MLYCD: variants seen among roughly 807,000 people sequenced by gnomAD.
MLYCD encodes the protein malonyl-CoA decarboxylase, also known as malonyl-CoA decarboxylase, mitochondrial.
MLYCD carries 27 observed loss-of-function variants against 35.8 expected under a neutral mutation model. The ratio of observed to expected loss-of-function variants is 0.75; its 90% CI spans 0.56 to 1.04. The LOEUF (loss-of-function observed/expected upper bound fraction) is 1.04, where lower values mean the gene tolerates loss of function less well. MLYCD is among the 50% of genes least tolerant of loss of function. The probability of loss-of-function intolerance (pLI) is 0.00; values close to 1 mark genes in which losing one functional copy is unlikely to be tolerated. For synonymous variants in MLYCD, 403 were observed against 302.4 expected (o/e 1.33, Z -3.45); for missense variants, 917 against 665.1 (o/e 1.38, Z -4.17).
intron 1 of MLYCD, among the ~76,000 whole-genome samples, chr16:83,900,928 G>A (rs148794030): frequency 7.9e-5 from 12 of 152,266 alleles, no homozygotes; most frequent in African/African-American, 2.9e-4. Context: ...CTAATCCAGG[G>A]TTATTTGCAC....
Position 83,914,841 on chromosome 16 carries a change from G to A in MLYCD, c.949-115G>A. 6 of 1,432,708 alleles carry A rather than the reference G, an allele frequency of 4.2e-6. No individual in the cohort carries two copies. In the South Asian group the frequency reaches 6.9e-5, roughly 17 times the overall value. 88.7% of individuals were successfully genotyped at this position (1,432,708 alleles called of 1,614,324 possible). On this transcript the variant is annotated intron_variant, in intron 4 of 4. Transcript: ENST00000262430. ...AACAACATGTATCAGATGTCACTCT[G>A]ACCGCTACACAGCAGCATGTGAGCC...
intron 3 of MLYCD, chr16:83,911,587 C>T (rs1263295663): frequency 6.5e-6 from 1 of 154,116 alleles, no homozygotes. Context: ...TAAGCGACTT[C>T]CCAGTCTAGC....
intron 2 of MLYCD, 93 bp downstream of exon 2, chr16:83,907,192 T>G: frequency 1.9e-6 from 2 of 1,079,464 alleles, no homozygotes; most frequent in Non-Finnish European, 2.8e-6. Context: ...CTATCTCCAT[T>G]CATATGTACA....
In MLYCD at chr16:83,915,796, C is replaced by T. The variant is rs562545173; in HGVS notation, c.*307C>T. On this transcript the variant is annotated 3_prime_UTR_variant, in exon 5 of 5. Transcript: ENST00000262430. The stretch of plus-strand genomic sequence containing the variant: ...CCCGGGGCTGGTGCTGTGGTACCTA[C>T]ATCTTCAGGAAGCTGTGCAGCCTCT... 1 of 1,285,610 alleles carries T rather than the reference C, an allele frequency of 7.8e-7. No individual in the cohort carries two copies. Among genetic ancestry groups the T allele is most frequent in the African/African-American group, 1.5e-5 (1 of 66,334 alleles). The allele number at this position is 1,285,610 out of a possible 1,614,324, so 79.6% of individuals were successfully genotyped here.
At position 83,908,341 on chromosome 16, in the gene MLYCD, T is replaced by G. The variant is rs549167580; in HGVS notation, c.798+59T>G. The G allele has an allele frequency of 6.4e-5, 101 of 1,565,998 alleles. 1 individual carries two copies. In the African/African-American group the frequency reaches 1.3e-3, roughly 19 times the overall value. ...CACCCCATAGAGCCCCTTGTGTTTTTTGTTTTGTTTTGTTTTTACTTGATT... is the reference window on the plus strand; with the variant it reads ...CACCCCATAGAGCCCCTTGTGTTTTGTGTTTTGTTTTGTTTTTACTTGATT... On this transcript the variant is annotated intron_variant, in intron 3 of 4. Coordinates refer to ENST00000262430, the MANE Select transcript of MLYCD (RefSeq NM_012213.3).
intron 3 of MLYCD, among the ~76,000 whole-genome samples, chr16:83,910,979 C>A (rs190609859): frequency 0.072 from 10,819 of 149,230 alleles, 451 homozygotes; most frequent in East Asian, 0.11. Flanking sequence ...CAATTTCTTT[C>A]TTTTTTTCTT....
chr16:83,915,565 C>T lies in MLYCD; in HGVS notation c.*76C>T. 1.3e-6 allele frequency: 2 copies of T among 1,570,820 alleles called. No individual in the cohort carries two copies. ...TCAGGAGGGGCCGGGAGTTATGTAT[C>T]TGAAGCAGCTTTCCAAGCAAAGCCA... On this transcript the variant is annotated 3_prime_UTR_variant, in exon 5 of 5. Coordinates refer to ENST00000262430, the MANE Select transcript of MLYCD (RefSeq NM_012213.3).
intron 4 of MLYCD, chr16:83,914,698 G>A (rs1462577871): frequency 2.0e-6 from 1 of 498,342 alleles, no homozygotes; most frequent in Non-Finnish European, 3.6e-6. Flanking sequence ...AGGATGGCTT[G>A]GACCCAGGAG....
intron 3 of MLYCD, among the ~76,000 whole-genome samples, chr16:83,911,130 C>T (rs373591031): frequency 2.0e-5 from 3 of 152,294 alleles, no homozygotes; most frequent in African/African-American, 7.2e-5. Flanking sequence ...GCACCTGCCA[C>T]CATGCCCGGC....
Position 83,915,365 on chromosome 16 carries a change from A to G in MLYCD, c.1358A>G (p.Asn453Ser), listed in dbSNP as rs1373890001. The change falls in exon 5 of 5, where the codon AAC becomes AGC. Residue 453 changes from asparagine (N) to serine (S), a missense_variant. Asn to Ser is a conservative substitution (Grantham distance 46). Transcript: ENST00000262430. ...GITGSCGLMA[N>S]YRYFLEETGP... The stretch of plus-strand genomic sequence containing the variant: ...ACCGGCTCCTGCGGCCTGATGGCCA[A>G]CTACCGCTACTTCCTGGAGGAGACG... 3 of 1,613,308 alleles carry G rather than the reference A, an allele frequency of 1.9e-6. No homozygotes were observed. The highest frequency in any genetic ancestry group is 2.2e-5 in the South Asian group (2 of 91,090).
chr16:83,901,315 C>G (rs1194389744), intron 1 of MLYCD, among the ~76,000 whole-genome samples: 1 of 152,186 alleles, frequency 6.6e-6, no homozygotes, highest in Admixed American at 6.5e-5. Flanking sequence ...TGTAAATGAT[C>G]AGCTCCTCGA....
At chr16:83,914,456 A>G (rs967160999) in intron 4 of MLYCD, 4 of 222,084 alleles carry the variant, frequency 1.8e-5, no homozygotes, top group South Asian at 1.4e-4. Flanking sequence ...GAGTAGCTGC[A>G]GTGCACCGAG....
At position 83,908,149 on chromosome 16, in the gene MLYCD, A is replaced by G. The variant is rs1278525158; in HGVS notation, c.665A>G (p.Lys222Arg). The change falls in exon 3 of 5, where the codon AAA becomes AGA. Residue 222 changes from lysine (K) to arginine (R), a missense_variant. Physicochemically the swap from Lys to Arg is conservative, Grantham distance 26. Transcript: ENST00000262430. ...AGGGCTGAGGCTGTGCATCCTGTAA[A>G]AAACTGGATGGACATGAAGCGCCGC... is the stretch of plus-strand genomic sequence containing the variant. ...ISEAEAVHPV[K>R]NWMDMKRRVG... The G allele has an allele frequency of 6.2e-7, 1 of 1,614,192 alleles. No individual in the cohort carries two copies. Among genetic ancestry groups the G allele is most frequent in the Non-Finnish European group, 8.5e-7 (1 of 1,180,020 alleles).
intron 3 of MLYCD, among the ~76,000 whole-genome samples, chr16:83,909,673 G>C (rs1335975090): frequency 6.7e-6 from 1 of 149,828 alleles, no homozygotes; most frequent in East Asian, 2.0e-4. Flanking sequence ...GCAGGCTAGA[G>C]TGCAATGGTG....
intron 1 of MLYCD, among the ~76,000 whole-genome samples, chr16:83,906,071 C>T (rs1567633167): frequency 6.6e-6 from 1 of 152,164 alleles, no homozygotes; most frequent in African/African-American, 2.4e-5. Flanking sequence ...TATTTTATGT[C>T]CCTCTAAGGT....
chr16:83,899,334 G>T lies in MLYCD; in HGVS notation c.190G>T (p.Ala64Ser). 6.6e-7 allele frequency: 1 copy of T among 1,509,484 alleles called. No individual in the cohort carries two copies. Among genetic ancestry groups the T allele is most frequent in the Non-Finnish European group, 8.8e-7 (1 of 1,136,678 alleles). The allele number at this position is 1,509,484 out of a possible 1,614,324, so 93.5% of individuals were successfully genotyped here. ...YELREKTPAP[A>S]EGQCADFVSF... Reference sequence around the variant, plus strand: ...GCTGCGCGAGAAGACACCGGCGCCCGCCGAGGGTCAGTGCGCGGACTTCGT... The same window carrying T: ...GCTGCGCGAGAAGACACCGGCGCCCTCCGAGGGTCAGTGCGCGGACTTCGT... The change falls in exon 1 of 5, where the codon GCC (alanine) becomes TCC (serine). Residue 64 changes from alanine to serine, a missense_variant. By Grantham distance (99) the Ala-to-Ser change is moderately conservative. Coordinates refer to ENST00000262430, the MANE Select transcript of MLYCD (RefSeq NM_012213.3).
At chr16:83,908,103 T>C (rs763461515) in intron 2 of MLYCD, 23 bp from the exon 3 acceptor site, 43 of 1,614,136 alleles carry the variant, frequency 2.7e-5, no homozygotes, top group Non-Finnish European at 3.5e-5. Flanking sequence ...ATTTGTCTTG[T>C]CTCTTTATAA....
intron 4 of MLYCD, chr16:83,912,915 C>T (rs1479652281): frequency 5.3e-6 from 1 of 187,216 alleles, no homozygotes; most frequent in Admixed American, 5.3e-5. Context: ...CTCTTTGCTG[C>T]CCTGTGAAAA....
chr16:83,906,063 T>C (rs1173835605), intron 1 of MLYCD, among the ~76,000 whole-genome samples: 4 of 152,220 alleles, frequency 2.6e-5, no homozygotes, highest in Admixed American at 6.5e-5. Flanking sequence ...TACGCTATTA[T>C]TTTATGTCCC....
Sources: allele counts gnomAD v4.1 joint callset (sites outside exome capture counted in the v4.1 genomes callset), GRCh38; gene constraint gnomAD v4.1.1; transcripts MANE v1.5; gene names NCBI Gene and HGNC (gene_info 2026-07-23, HGNC 2026-07-21).